Variants in CSNK1G2 observed in about 807,000 individuals in gnomAD.
CSNK1G2 encodes the protein casein kinase 1 gamma 2, also known as casein kinase I isoform gamma-2.
A neutral mutation model predicts 48.0 loss-of-function variants in CSNK1G2; 11 were observed. The ratio of observed to expected loss-of-function variants is 0.23; its 90% confidence interval spans 0.14 to 0.38. CSNK1G2 has a LOEUF of 0.38. Among genes scored for constraint, CSNK1G2 ranks in the 10% least tolerant of loss-of-function variants. The pLI is 1.00. For synonymous variants in CSNK1G2, 337 were observed against 254.1 expected, an observed-to-expected ratio of 1.33 and a Z score of -3.10; for missense variants, 446 against 595.5, an observed-to-expected ratio of 0.75 and a Z score of 2.61.
rs530067644 is a variant in CSNK1G2 at position 1,972,838 on chromosome 19, G to C, written c.187+2879G>C. Among the ~76,000 whole-genome samples the C allele has an allele frequency of 3.1e-4, 47 of 151,898 alleles. No homozygotes were observed. The South Asian group carries it at 9.2e-3, about 30-fold the overall frequency. ...GGGGTTTCACCTTGTTGGCCAGGCT[G>C]GTCTTGAACTCCTGACCTCAGGTGA... is the stretch of plus-strand genomic sequence containing the variant. On this transcript the variant is annotated intron_variant, in intron 2 of 11. Coordinates refer to ENST00000255641, the MANE Select transcript of CSNK1G2 (RefSeq NM_001319.7).
intron 1 of CSNK1G2, among the ~76,000 whole-genome samples, chr19:1,945,950 AAGTGGGGCAGGCAGCCCAGTGG>A (rs1210070137): frequency 6.6e-6 from 1 of 152,156 alleles, no homozygotes; most frequent in African/African-American, 2.4e-5. Context: ...TGTGGGTGCC[AAGTGGGGCAGGCAGCCCAGTGG>A]AGTGGGGCAA....
chr19:1,978,222 GC>G lies in CSNK1G2; in HGVS notation c.188-81del. On this transcript the variant is annotated intron_variant, in intron 2 of 11. Transcript: ENST00000255641. This position sits in a 1 kb window ranked among gnomAD's most constrained non-coding sequence, Gnocchi z 7.3. ...GGTGGTCCTTCAGGGACCCCCTCCT[GC>G]CTCCTGCCTCGGGGGTGGGCTGGGG... The G allele has an allele frequency of 6.9e-7, 1 of 1,440,812 alleles. No homozygotes were observed. The highest frequency in any genetic ancestry group is 9.7e-7 in the Non-Finnish European group (1 of 1,027,186). 89.3% of individuals were successfully genotyped at this position (1,440,812 alleles called of 1,614,324 possible).
chr19:1,972,785 G>C (rs562607308), intron 2 of CSNK1G2, among the ~76,000 whole-genome samples: 2 of 152,082 alleles, frequency 1.3e-5, no homozygotes, highest in South Asian at 2.1e-4. Flanking sequence ...ACCATGCCTG[G>C]CTAATTTTTT....
At chr19:1,976,774 T>C (rs572164043) in intron 2 of CSNK1G2, among the ~76,000 whole-genome samples, 20 of 151,934 alleles carry the variant, frequency 1.3e-4, no homozygotes, top group African/African-American at 4.3e-4. Flanking sequence ...AGTTTCTCTC[T>C]TGTTGCCCAG....
At position 1,980,471 on chromosome 19, in the gene CSNK1G2, A is replaced by G; in HGVS notation, c.*268A>G. 2.0e-6 allele frequency: 1 copy of G among 510,700 alleles called. No individual in the cohort carries two copies. Among genetic ancestry groups the G allele is most frequent in the Non-Finnish European group, 3.5e-6 (1 of 285,264 alleles). The allele number at this position is 510,700 out of a possible 1,614,324, so 31.6% of individuals were successfully genotyped here. ...ATTAACTATTTAAAACAAGGAAAAGAGGAAAAAAAAAACAGAGGCCCGCCC... is the reference window on the plus strand; with the variant it reads ...ATTAACTATTTAAAACAAGGAAAAGGGGAAAAAAAAAACAGAGGCCCGCCC... On this transcript the variant is annotated 3_prime_UTR_variant, in exon 12 of 12. Coordinates refer to ENST00000255641, the MANE Select transcript of CSNK1G2 (RefSeq NM_001319.7).
chr19:1,963,815 A>ATTTTTTT (rs1163885585), intron 1 of CSNK1G2, among the ~76,000 whole-genome samples: 1 of 127,346 alleles, frequency 7.9e-6, no homozygotes, highest in Admixed American at 8.2e-5. Flanking sequence ...GCCTCTACAA[A>ATTTTTTT]TTTTTTTTTT....
At chr19:1,942,608 A>G (rs1310063157) in intron 1 of CSNK1G2, 1 of 150,520 alleles carries the variant, frequency 6.6e-6, no homozygotes, top group Non-Finnish European at 1.5e-5. Context: ...GGAGCTGAGC[A>G]GGAAGGTACA....
chr19:1,955,558 C>T (rs568379779), intron 1 of CSNK1G2, among the ~76,000 whole-genome samples: 104 of 152,226 alleles, frequency 6.8e-4, no homozygotes, highest in Non-Finnish European at 1.1e-3. Context: ...CGAGGCTCCG[C>T]GAGTCGGGGG....
Position 1,978,928 on chromosome 19 carries a change from G to T in CSNK1G2, c.517G>T (p.Val173Leu), listed in dbSNP as rs144771760. The T allele has an allele frequency of 5.7e-3, 9,132 of 1,602,358 alleles. 42 individuals carry two copies. The highest frequency in any genetic ancestry group is 7.0e-3 in the Non-Finnish European group (8,244 of 1,179,640). Residue 173 changes from valine to leucine, a missense_variant, in exon 6 of 12, where the codon GTG (valine) becomes TTG (leucine). Physicochemically the swap from Val to Leu is conservative, Grantham distance 32. Transcript: ENST00000255641. The surrounding 1 kb of genome is among the most constrained non-coding windows in gnomAD (Gnocchi z 7.3). ...YRDVKPENFL[V>L]GRPGTKRQHA... ...GGACGTGAAGCCCGAGAACTTCCTGGTGGGCCGCCCGGGGACCAAGCGGCA... is the reference window on the plus strand; with the variant it reads ...GGACGTGAAGCCCGAGAACTTCCTGTTGGGCCGCCCGGGGACCAAGCGGCA...
In CSNK1G2 at chr19:1,978,862, A is replaced by T. The variant is rs143642401; in HGVS notation, c.451A>T (p.Thr151Ser). 3.7e-6 allele frequency: 6 copies of T among 1,600,382 alleles called. No homozygotes were observed. In the African/African-American group the frequency reaches 8.0e-5, roughly 21 times the overall value. The change falls in exon 6 of 12, where the codon ACG becomes TCG. Residue 151 changes from threonine to serine, a missense_variant. Physicochemically the swap from Thr to Ser is moderately conservative, Grantham distance 58 (BLOSUM62 1). Around this residue, in one of 2 missense-constraint regions of CSNK1G2, gnomAD observed 258 missense variants for 415.9 expected, o/e 0.62. Coordinates refer to ENST00000255641, the MANE Select transcript of CSNK1G2 (RefSeq NM_001319.7). This position sits in a 1 kb window ranked among gnomAD's most constrained non-coding sequence, Gnocchi z 7.3. ...ACACCGCCGTGCCCCCCTGCAGATC[A>T]CGCGCATGGAGTATGTGCACACCAA... ...TVLMIAIQLITRMEYVHTKSL... is the reference protein window; with the variant it reads ...TVLMIAIQLISRMEYVHTKSL...
chr19:1,976,332 C>T (rs1381310459), intron 2 of CSNK1G2, among the ~76,000 whole-genome samples: 4 of 152,080 alleles, frequency 2.6e-5, no homozygotes, highest in East Asian at 3.9e-4. Context: ...GCCCTGGTCC[C>T]GGGCTCAGGG....
chr19:1,976,911 G>A (rs2015776275), intron 2 of CSNK1G2, among the ~76,000 whole-genome samples: 1 of 152,026 alleles, frequency 6.6e-6, no homozygotes, highest in South Asian at 2.1e-4. Context: ...GGCTAATTTT[G>A]TATTTTTAGT....
chr19:1,959,000 T>C (rs2015101417), intron 1 of CSNK1G2, among the ~76,000 whole-genome samples: 1 of 144,090 alleles, frequency 6.9e-6, no homozygotes, highest in East Asian at 2.1e-4. Flanking sequence ...ATTCCCCATG[T>C]GGCTTCCCAG....
intron 1 of CSNK1G2, among the ~76,000 whole-genome samples, chr19:1,941,955 C>G (rs1238437062): frequency 1.3e-5 from 2 of 152,060 alleles, no homozygotes; most frequent in African/African-American, 4.8e-5. Flanking sequence ...CCCCTGCCCA[C>G]CTGGCCCCAT....
intron 1 of CSNK1G2, among the ~76,000 whole-genome samples, chr19:1,964,280 G>A (rs1233294917): frequency 6.7e-6 from 1 of 148,816 alleles, no homozygotes; most frequent in East Asian, 2.0e-4. Context: ...GTGACAGAGT[G>A]AGACCCTGTG....
At chr19:1,946,247 G>T (rs1402310284) in intron 1 of CSNK1G2, among the ~76,000 whole-genome samples, 1 of 116,072 alleles carries the variant, frequency 8.6e-6, no homozygotes, top group Non-Finnish European at 2.0e-5. Context: ...GGCCAGGGCT[G>T]GCCCATCACT....
chr19:1,971,509 G>A (rs1176190926), intron 2 of CSNK1G2, among the ~76,000 whole-genome samples: 1 of 152,232 alleles, frequency 6.6e-6, no homozygotes, highest in Non-Finnish European at 1.5e-5. Context: ...ATGCAGACAT[G>A]TACACACGTG....
rs1409352779 is a variant in CSNK1G2, at chr19:1,979,516, G to A, written c.875G>A (p.Arg292His). 33 of 1,601,004 alleles carry A rather than the reference G, an allele frequency of 2.1e-5. No individual in the cohort carries two copies. The highest frequency in any genetic ancestry group is 2.8e-5 in the Non-Finnish European group (33 of 1,178,824). ...NFPEEMATYL[R>H]YVRRLDFFEK... The stretch of plus-strand genomic sequence containing the variant: ...GCAGAGGAGATGGCCACGTACCTGC[G>A]CTATGTGCGGCGCCTGGACTTCTTC... The change falls in exon 9 of 12, where the codon CGC becomes CAC. Residue 292 changes from arginine (R) to histidine (H), a missense_variant. Transcript: ENST00000255641.
rs572286650 is a variant in CSNK1G2, at chr19:1,972,267, A to G, written c.187+2308A>G. On this transcript the variant is annotated intron_variant, in intron 2 of 11. Transcript: ENST00000255641. ...CTGTTTCTGGATTTGGGCCCTTCTG[A>G]ATAGAACTAACTGCCCAAATAGAAC... Among the ~76,000 whole-genome samples the G allele has an allele frequency of 2.6e-5, 4 of 152,314 alleles. No homozygotes were observed. The South Asian group carries it at 8.3e-4, about 32-fold the overall frequency.
Sources: gnomAD v4.1 joint callset for allele counts (sites outside exome capture counted in the v4.1 genomes callset) on GRCh38, gnomAD v4.1.1 for gene constraint, gnomAD v4.1.1 regional missense constraint, Gnocchi (gnomAD v3.1) non-coding constraint, MANE v1.5 for transcripts, NCBI Gene and HGNC (gene_info 2026-07-23, HGNC 2026-07-21) for gene names.